Variants in RIMS1 observed in about 807,000 individuals in gnomAD.
The protein encoded by RIMS1 is regulating synaptic membrane exocytosis 1.
In RIMS1, 83 loss-of-function variants were observed where a neutral mutation model predicts 214.1. The ratio of observed to expected loss-of-function variants is 0.39; its 90% CI spans 0.32 to 0.47. RIMS1 has a LOEUF of 0.47. Among genes scored for constraint, RIMS1 ranks in the 20% least tolerant of loss-of-function variants. The pLI is 0.99. For synonymous variants in RIMS1, 793 were observed against 786.8 expected, an observed-to-expected ratio of 1.01 and a Z score of -0.13; for missense variants, 2,050 against 2,161.8, an observed-to-expected ratio of 0.95 and a Z score of 1.03.
intron 22 of RIMS1, 46 bp downstream of exon 22, chr6:72,266,095 A>G: frequency 7.4e-7 from 1 of 1,351,834 alleles, no homozygotes; most frequent in Non-Finnish European, 1.0e-6. Context: ...TGTACTAGTG[A>G]TTTTTTTCAG....
At chr6:72,192,453 G>T (rs933031441) in intron 6 of RIMS1, among the ~76,000 whole-genome samples, 2 of 152,212 alleles carry the variant, frequency 1.3e-5, no homozygotes, top group Admixed American at 6.5e-5. Context: ...TGGGTGCTGG[G>T]TCTGTAAACT....
intron 6 of RIMS1, among the ~76,000 whole-genome samples, chr6:72,217,827 A>G (rs1358828051): frequency 1.3e-5 from 2 of 152,212 alleles, no homozygotes; most frequent in Non-Finnish European, 1.5e-5. Flanking sequence ...AGCCCAAGAC[A>G]CAAAGAAGGA....
At position 72,156,132 on chromosome 6, in the gene RIMS1, C is replaced by T. The variant is rs2044415054; in HGVS notation, c.472-23443C>T. 5.8e-5 allele frequency: 17 copies of T among 290,836 alleles called. 3 individuals carry two copies. Among genetic ancestry groups the T allele is most frequent in the South Asian group, 4.9e-4 (17 of 35,008 alleles). 18.0% of individuals were successfully genotyped at this position (290,836 alleles called of 1,614,324 possible). On this transcript the variant is annotated intron_variant, in intron 4 of 33. Transcript: ENST00000521978. ...CTCACTTCTGGATATACATCAAGAG[C>T]AAATGAAATCAATATTTTGAAGAGA...
chr6:72,077,889 C>A (rs560155642), intron 2 of RIMS1, among the ~76,000 whole-genome samples: 328 of 152,206 alleles, frequency 2.2e-3, no homozygotes, highest in African/African-American at 7.7e-3. Flanking sequence ...CATGGACATT[C>A]GACGAAACCC....
chr6:72,393,085 G>GAAAAAAAAAA (rs36027740), intron 31 of RIMS1, among the ~76,000 whole-genome samples: 1 of 131,686 alleles, frequency 7.6e-6, no homozygotes. Context: ...TCACAGCATG[G>GAAAAAAAAAA]AAAAAAAAAA....
At chr6:72,395,693 G>T (rs1486767243) in intron 31 of RIMS1, among the ~76,000 whole-genome samples, 2 of 151,902 alleles carry the variant, frequency 1.3e-5, no homozygotes, top group Admixed American at 6.6e-5. Flanking sequence ...CCCAGAATAG[G>T]GAAAGGAGTA....
rs1330872613 is a variant in RIMS1, at chr6:72,393,277, T to C, written c.4618+467T>C. 2.0e-5 allele frequency among the ~76,000 whole-genome samples: 3 copies of C among 152,154 alleles called. No homozygotes were observed. In the South Asian group the frequency reaches 6.2e-4, roughly 32 times the overall value. ...ACTGGAGAACACTTAAGTTAATCTG[T>C]CTGTAATCTTGCAGTGGGAAAGAAC... On this transcript the variant is annotated intron_variant, in intron 31 of 33. Coordinates refer to ENST00000521978, the MANE Select transcript of RIMS1 (RefSeq NM_014989.7).
chr6:72,092,291 C>CCCTTCCTCCCTCCCTCCCTTCCTTCCTT, intron 2 of RIMS1, among the ~76,000 whole-genome samples: 1 of 108,012 alleles, frequency 9.3e-6, no homozygotes, highest in East Asian at 2.2e-4. Flanking sequence ...CTCCCTCCCT[C>CCCTTCCTCCCTCCCTCCCTTCCTTCCTT]CCTTCCTTCC....
At chr6:72,255,577 T>C (rs1269467826) in intron 16 of RIMS1, among the ~76,000 whole-genome samples, 4 of 152,328 alleles carry the variant, frequency 2.6e-5, no homozygotes, top group Middle Eastern at 3.4e-3. Context: ...TATAGCCTTA[T>C]TGTTATTTAA....
intron 23 of RIMS1, among the ~76,000 whole-genome samples, chr6:72,281,044 C>T (rs1055858638): frequency 6.6e-6 from 1 of 152,014 alleles, no homozygotes; most frequent in Non-Finnish European, 1.5e-5. Flanking sequence ...CCAAAATCGC[C>T]TGGCTAGCCA....
At chr6:72,240,325 A>G (rs1453547427) in intron 9 of RIMS1, among the ~76,000 whole-genome samples, 1 of 152,138 alleles carries the variant, frequency 6.6e-6, no homozygotes, top group African/African-American at 2.4e-5. Flanking sequence ...TGCTTTTGCA[A>G]ACTGCTGGTT....
rs931989177 is a variant in RIMS1 at position 72,250,405 on chromosome 6, G to C, written c.2317G>C (p.Val773Leu). Residue 773 changes from valine (V) to leucine (L), a missense_variant, in exon 13 of 34, where the codon GTA becomes CTA. Transcript: ENST00000521978. ...GCAAGCAACAGATCTACCTGCTAGAGTAGATGGACGTCCTCGAAATCCCTA... is the reference window on the plus strand; with the variant it reads ...GCAAGCAACAGATCTACCTGCTAGACTAGATGGACGTCCTCGAAATCCCTA... ...VLQATDLPAR[V>L]DGRPRNPYVK... 3.6e-5 allele frequency: 58 copies of C among 1,608,502 alleles called. No individual in the cohort carries two copies. The highest frequency in any genetic ancestry group is 4.7e-5 in the Non-Finnish European group (55 of 1,176,042).
chr6:71,988,360 A>C (rs149675601), intron 2 of RIMS1, among the ~76,000 whole-genome samples: 8 of 152,010 alleles, frequency 5.3e-5, no homozygotes, highest in African/African-American at 1.9e-4. Context: ...TCAAAATTCC[A>C]TCCAGTTTCT....
intron 26 of RIMS1, among the ~76,000 whole-genome samples, chr6:72,300,359 T>C (rs1224998105): frequency 6.6e-6 from 1 of 151,812 alleles, no homozygotes; most frequent in Non-Finnish European, 1.5e-5. Flanking sequence ...GTATTTTCTC[T>C]AAAGTTGTAT....
chr6:71,898,270 T>C (rs1266345312), intron 1 of RIMS1, among the ~76,000 whole-genome samples: 2 of 152,190 alleles, frequency 1.3e-5, no homozygotes, highest in East Asian at 3.8e-4. Context: ...CTGTTAGTTT[T>C]CTGATTTGAT....
chr6:72,265,647 ATT>A (rs1272790186), intron 21 of RIMS1, 144 bp downstream of exon 21: 3 of 560,248 alleles, frequency 5.4e-6, no homozygotes, highest in Non-Finnish European at 9.3e-6. Flanking sequence ...AATTTTAGGC[ATT>A]TTGTTTTAGT....
At chr6:72,253,353 T>C (rs1379806400) in intron 16 of RIMS1, among the ~76,000 whole-genome samples, 1 of 152,186 alleles carries the variant, frequency 6.6e-6, no homozygotes. Flanking sequence ...TTTAATACAA[T>C]AATATGTTTA....
intron 28 of RIMS1, among the ~76,000 whole-genome samples, chr6:72,321,911 C>G (rs2096192862): frequency 6.6e-6 from 1 of 152,050 alleles, no homozygotes; most frequent in African/African-American, 2.4e-5. Context: ...AACTCATGAT[C>G]ACAGATTTAA....
rs2063730961 is a variant in RIMS1, at chr6:72,235,677, T to C, written c.1806T>C (p.Leu602=). The C allele has an allele frequency of 6.2e-7, 1 of 1,610,910 alleles. No homozygotes were observed. Among genetic ancestry groups the C allele is most frequent in the South Asian group, 1.1e-5 (1 of 90,406 alleles). Residue 602 remains leucine, a synonymous_variant, in exon 8 of 34, where the codon CTT becomes CTC. Coordinates refer to ENST00000521978, the MANE Select transcript of RIMS1 (RefSeq NM_014989.7). ...ACCGATTAATTGGACGTGTTATTCT[T>C]AACAAGAGAACAACCATGCCCAAAG... ...EGDRLIGRVI[L]NKRTTMPKDS...
Sources: gnomAD v4.1 joint callset for allele counts (sites outside exome capture counted in the v4.1 genomes callset) on GRCh38, gnomAD v4.1.1 for gene constraint, MANE v1.5 for transcripts, NCBI Gene and HGNC (gene_info 2026-07-23, HGNC 2026-07-21) for gene names.